The following MCM9 variants were observed in gnomAD, a reference collection of about 807,000 sequenced individuals.
The protein encoded by MCM9 is minichromosome maintenance 9 homologous recombination repair factor.
MCM9 carries 55 observed loss-of-function variants against 72.8 expected under a neutral mutation model. The ratio of observed to expected loss-of-function variants is 0.76; its 90% CI spans 0.61 to 0.95. The LOEUF (loss-of-function observed/expected upper bound fraction) is 0.95, where lower values mean the gene tolerates loss of function less well. Ranked by LOEUF, MCM9 falls within the 40% of genes least tolerant of loss-of-function variation. MCM9 has a pLI of 0.00. For missense variants in MCM9, 1,279 were observed against 1,377.0 expected (o/e 0.93, Z 1.13); for synonymous variants, 480 against 503.4 (o/e 0.95, Z 0.62).
intron 8 of MCM9, among the ~76,000 whole-genome samples, chr6:118,863,058 T>C (rs1329132663): frequency 1.3e-5 from 2 of 152,132 alleles, no homozygotes; most frequent in African/African-American, 2.4e-5. Flanking sequence ...AGTAGAGCAT[T>C]AGACAAAAAA....
intron 9 of MCM9, among the ~76,000 whole-genome samples, chr6:118,836,943 T>C (rs757132206): frequency 6.6e-6 from 1 of 152,208 alleles, no homozygotes; most frequent in Non-Finnish European, 1.5e-5. Flanking sequence ...ATTGCTTCTC[T>C]AGTTCTTTCA....
chr6:118,852,856 C>A (rs970286175), intron 9 of MCM9, among the ~76,000 whole-genome samples: 1 of 152,128 alleles, frequency 6.6e-6, no homozygotes, highest in African/African-American at 2.4e-5. Flanking sequence ...TACAGTTTAG[C>A]CTTTTGTAGC....
chr6:118,832,376 C>T (rs1774623177), intron 9 of MCM9, among the ~76,000 whole-genome samples: 1 of 152,154 alleles, frequency 6.6e-6, no homozygotes, highest in East Asian at 1.9e-4. Context: ...TTTTGTCCTA[C>T]TAAATGTGGT....
At chr6:118,908,535 C>A (rs997404163) in intron 8 of MCM9, 7 of 152,050 alleles carry the variant, frequency 4.6e-5, no homozygotes, top group African/African-American at 1.7e-4. Flanking sequence ...ATAATAGATA[C>A]GTTACTATTT....
At chr6:118,881,941 T>C (rs1047974266) in intron 8 of MCM9, among the ~76,000 whole-genome samples, 1 of 152,090 alleles carries the variant, frequency 6.6e-6, no homozygotes, top group Admixed American at 6.5e-5. Context: ...GAAGAGGAGC[T>C]CCCTATGAGC....
intron 8 of MCM9, among the ~76,000 whole-genome samples, chr6:118,904,574 G>A (rs1038597985): frequency 3.9e-5 from 6 of 152,298 alleles, no homozygotes; most frequent in Middle Eastern, 3.4e-3. Flanking sequence ...TACCACGGAT[G>A]GGGCCCTGCC....
chr6:118,826,010 G>A, intron 13 of MCM9, 137 bp downstream of exon 13: 1 of 867,608 alleles, frequency 1.2e-6, no homozygotes, highest in Non-Finnish European at 1.7e-6. Flanking sequence ...CCTATAGATA[G>A]TATCTGCCTG....
intron 8 of MCM9, chr6:118,893,969 C>G: frequency 4.2e-6 from 4 of 941,686 alleles, no homozygotes; most frequent in East Asian, 1.3e-4. Context: ...CCCTCCGCCC[C>G]TCTCCGCGCC....
At chr6:118,856,310 T>A in intron 9 of MCM9, 61 bp downstream of exon 9, 1 of 1,457,836 alleles carries the variant, frequency 6.9e-7, no homozygotes, top group Non-Finnish European at 9.1e-7. Flanking sequence ...AGGTTCACAT[T>A]TTCCCCTAAG....
chr6:118,876,709 A>G (rs1216089389), intron 8 of MCM9, among the ~76,000 whole-genome samples: 2 of 152,258 alleles, frequency 1.3e-5, no homozygotes. Context: ...AATGTGAAAG[A>G]TAAGCAACAG....
intron 8 of MCM9, among the ~76,000 whole-genome samples, chr6:118,891,843 C>G (rs1162969660): frequency 6.6e-6 from 1 of 152,166 alleles, no homozygotes; most frequent in Non-Finnish European, 1.5e-5. Flanking sequence ...CATCCTTCCC[C>G]CAAGTAACCC....
At chr6:118,851,595 T>C (rs1776228857) in intron 9 of MCM9, among the ~76,000 whole-genome samples, 2 of 151,866 alleles carry the variant, frequency 1.3e-5, no homozygotes, top group Non-Finnish European at 2.9e-5. Flanking sequence ...TGTAATTCCT[T>C]TAATGCATTA....
intron 13 of MCM9, among the ~76,000 whole-genome samples, chr6:118,824,640 G>A (rs1451854801): frequency 2.0e-5 from 3 of 152,150 alleles, no homozygotes; most frequent in Admixed American, 6.5e-5. Context: ...TAGAATGGCC[G>A]AGTCAGACTG....
chr6:118,822,957 T>TC (rs1773913059), intron 13 of MCM9, among the ~76,000 whole-genome samples: 1 of 152,038 alleles, frequency 6.6e-6, no homozygotes, highest in Non-Finnish European at 1.5e-5. Flanking sequence ...GGGACACTCC[T>TC]CCCCCTACAA....
rs1471681840 is a variant in MCM9 at position 118,887,384 on chromosome 6, T to TA, written c.1150+24265dup. Among the ~76,000 whole-genome samples, 4 of 152,188 alleles carry TA rather than the reference T, an allele frequency of 2.6e-5. No homozygotes were observed. The East Asian group carries it at 7.7e-4, about 29-fold the overall frequency. ...GTTCCAAGCCAATTCATTAGGAAAA[T>TA]AGTCTTTTCAACAGATGCTGCTGGG... On this transcript the variant is annotated intron_variant, in intron 8 of 13. Transcript: ENST00000619706.
chr6:118,899,263 C>T (rs1002167019), intron 8 of MCM9, among the ~76,000 whole-genome samples: 2 of 152,324 alleles, frequency 1.3e-5, no homozygotes, highest in South Asian at 2.1e-4. Flanking sequence ...CAAAACCCTT[C>T]GATGGCTTCC....
At chr6:118,924,789 G>A (rs1304177498) in intron 3 of MCM9, among the ~76,000 whole-genome samples, 2 of 152,310 alleles carry the variant, frequency 1.3e-5, no homozygotes, top group East Asian at 3.9e-4. Flanking sequence ...GCTGGGCACC[G>A]TGGCTCACAC....
chr6:118,843,723 T>TAC (rs1323437416), intron 9 of MCM9, among the ~76,000 whole-genome samples: 2 of 124,070 alleles, frequency 1.6e-5, no homozygotes, highest in Admixed American at 1.6e-4. Flanking sequence ...TATATATGTA[T>TAC]ATATATATAT....
chr6:118,859,666 G>C (rs1251707035), intron 8 of MCM9, among the ~76,000 whole-genome samples: 1 of 152,190 alleles, frequency 6.6e-6, no homozygotes. Flanking sequence ...TTTTCTGCGA[G>C]TTTTACCACT....
Sources: allele counts gnomAD v4.1 joint callset (sites outside exome capture counted in the v4.1 genomes callset), GRCh38; gene constraint gnomAD v4.1.1; transcripts MANE v1.5; gene names NCBI Gene and HGNC (gene_info 2026-07-23, HGNC 2026-07-21).